DAB2IP: variants seen among roughly 807,000 people sequenced by gnomAD.
The protein encoded by DAB2IP is DAB2 interacting protein.
In DAB2IP, 28 loss-of-function variants were observed where a neutral mutation model predicts 107.2. That is an observed-to-expected ratio of 0.26 (90% CI 0.19 to 0.36). The LOEUF (loss-of-function observed/expected upper bound fraction) is 0.36. Among genes scored for constraint, DAB2IP ranks in the 10% least tolerant of loss-of-function variants. The pLI is 1.00. For missense variants in DAB2IP, 1,400 were observed against 1,644.7 expected (o/e 0.85, Z 2.57); for synonymous variants, 755 against 706.4 (o/e 1.07, Z -1.09).
exon 4 of DAB2IP, chr9:121,757,114 T>G: frequency 6.2e-7 from 1 of 1,614,054 alleles, no homozygotes; most frequent in Non-Finnish European, 8.5e-7. Flanking sequence ...GAGGAAGAGG[T>G]GGTCATCAAG....
At position 121,760,685 on chromosome 9, in the gene DAB2IP, G is replaced by A. The variant is rs967412856; in HGVS notation, c.1170+246G>A. Among the ~76,000 whole-genome samples, 8 of 152,174 alleles carry A rather than the reference G, an allele frequency of 5.3e-5. No homozygotes were observed. The South Asian group carries it at 1.4e-3, about 28-fold the overall frequency. On this transcript the variant is annotated intron_variant, in intron 6 of 15. Coordinates refer to ENST00000408936, the Ensembl canonical transcript of DAB2IP. The surrounding 1 kb of genome is among the most constrained non-coding windows in gnomAD (Gnocchi z 5.9). Reference sequence around the variant, plus strand: ...TGGGATTGCAGCTGGTAGTGAGGGAGTGGGCTTGGGTTGAGGTGCCTTCCA... The same window carrying A: ...TGGGATTGCAGCTGGTAGTGAGGGAATGGGCTTGGGTTGAGGTGCCTTCCA...
intron 1 of DAB2IP, among the ~76,000 whole-genome samples, chr9:121,620,820 C>T (rs937321930): frequency 2.0e-5 from 3 of 152,178 alleles, no homozygotes; most frequent in East Asian, 1.9e-4. Flanking sequence ...CCCACCCATG[C>T]CCAGGGCATT....
At position 121,743,380 on chromosome 9, in the gene DAB2IP, T is replaced by C. The variant is rs944338251; in HGVS notation, c.363-13633T>C. ...TTGTTCATTGTGTCTAAAATCTTCC[T>C]CAGAAGCCGAGGGCCTCTAACCTGA... is the stretch of plus-strand genomic sequence containing the variant. On this transcript the variant is annotated intron_variant, in intron 3 of 15. Transcript: ENST00000408936. Among the ~76,000 whole-genome samples the C allele has an allele frequency of 2.0e-5, 3 of 152,216 alleles. No homozygotes were observed. The South Asian group carries it at 6.2e-4, about 32-fold the overall frequency.
chr9:121,766,877 G>A (rs561159931), intron 9 of DAB2IP, 147 bp downstream of exon 9: 63 of 752,490 alleles, frequency 8.4e-5, no homozygotes, highest in African/African-American at 1.8e-4. Flanking sequence ...TCTCCTTCCC[G>A]CTTTTTAAAA....
At chr9:121,689,633 T>C (rs73664507) in intron 2 of DAB2IP, among the ~76,000 whole-genome samples, 14,335 of 152,010 alleles carry the variant, frequency 0.094, 1,673 homozygotes, top group African/African-American at 0.28. Context: ...CCTTGCTGCC[T>C]TGGGGCCCCC....
At chr9:121,700,988 C>T (rs1307372629) in intron 3 of DAB2IP, among the ~76,000 whole-genome samples, 1 of 152,240 alleles carries the variant, frequency 6.6e-6, no homozygotes, top group Non-Finnish European at 1.5e-5. Context: ...CGGCAGGCCA[C>T]CCGGTTTGCT....
At chr9:121,678,379 C>T (rs1589500657) in intron 1 of DAB2IP, among the ~76,000 whole-genome samples, 2 of 152,162 alleles carry the variant, frequency 1.3e-5, no homozygotes, top group East Asian at 3.8e-4. Context: ...TGTGTGTGTC[C>T]ATTCTTCTGC....
chr9:121,639,439 G>T (rs950171199), intron 1 of DAB2IP, among the ~76,000 whole-genome samples: 5 of 152,196 alleles, frequency 3.3e-5, no homozygotes, highest in Non-Finnish European at 7.3e-5. Context: ...ATGCCTATCA[G>T]AGCTGTAAGG....
At chr9:121,728,305 A>C (rs754740749) in intron 3 of DAB2IP, among the ~76,000 whole-genome samples, 1 of 152,166 alleles carries the variant, frequency 6.6e-6, no homozygotes, top group Non-Finnish European at 1.5e-5. Flanking sequence ...GTTTTGGAGT[A>C]ACACCCTGTG....
Position 121,642,069 on chromosome 9 carries a change from T to C in DAB2IP, c.41-36609T>C, listed in dbSNP as rs1438515395. 2.0e-3 allele frequency among the ~76,000 whole-genome samples: 251 copies of C among 125,850 alleles called. 5 individuals carry two copies. Among genetic ancestry groups the C allele is most frequent in the African/African-American group, 7.3e-3 (224 of 30,522 alleles). 82.6% of individuals were successfully genotyped at this position (125,850 alleles called of 152,430 possible). A position where few individuals can be genotyped will look rare whatever the true frequency, so the allele number is the denominator to read the frequency against. On this transcript the variant is annotated intron_variant, in intron 1 of 16. Coordinates refer to the DAB2IP transcript ENST00000259371. ...TTTCTTTCTTTCTTTCTTTCTTTCT[T>C]TCTTTCTTTCTTTCTCACTTTCTTT...
At chr9:121,743,669 G>A (rs566129878) in intron 3 of DAB2IP, among the ~76,000 whole-genome samples, 18 of 152,328 alleles carry the variant, frequency 1.2e-4, no homozygotes, top group Non-Finnish European at 2.1e-4. Flanking sequence ...AGGAAGGCTC[G>A]CCCGGCCACT....
chr9:121,651,983 T>A lies in DAB2IP; in HGVS notation c.124+84T>A, dbSNP rs1832762436. On this transcript the variant is annotated intron_variant, in intron 1 of 15. Coordinates refer to ENST00000408936, the Ensembl canonical transcript of DAB2IP. This position sits in a 1 kb window ranked among gnomAD's most constrained non-coding sequence, Gnocchi z 5.1. ...TGCCCTGGGATGCTAGGGACCGGGATCCTCCTTCCAGCCATTTGCCGGGGG... is the reference window on the plus strand; with the variant it reads ...TGCCCTGGGATGCTAGGGACCGGGAACCTCCTTCCAGCCATTTGCCGGGGG... 8.6e-7 allele frequency: 1 copy of A among 1,162,618 alleles called. No homozygotes were observed. The highest frequency in any genetic ancestry group is 1.1e-6 in the Non-Finnish European group (1 of 921,924). The allele number at this position is 1,162,618 out of a possible 1,614,324, so 72.0% of individuals were successfully genotyped here. A position where few individuals can be genotyped will look rare whatever the true frequency, so the allele number is the denominator to read the frequency against.
chr9:121,737,916 TTGGGGGACTGAA>T (rs1459937941), intron 3 of DAB2IP, among the ~76,000 whole-genome samples: 2 of 152,016 alleles, frequency 1.3e-5, no homozygotes, highest in African/African-American at 2.4e-5. Context: ...AGTGCAAGGC[TTGGGGGACTGAA>T]TGGGGGACTC....
At chr9:121,677,753 C>T (rs1215506029) in intron 1 of DAB2IP, among the ~76,000 whole-genome samples, 1 of 152,066 alleles carries the variant, frequency 6.6e-6, no homozygotes, top group South Asian at 2.1e-4. Context: ...CTTTCGCCTC[C>T]CGGGTTCAAG....
At chr9:121,678,564 A>C in intron 1 of DAB2IP, 114 bp from the exon 2 acceptor site, 2 of 885,366 alleles carry the variant, frequency 2.3e-6, no homozygotes, top group Non-Finnish European at 3.1e-6. Context: ...TGCCTGGACC[A>C]TTTTCTAGGG....
chr9:121,753,505 G>A (rs540803812), intron 3 of DAB2IP, among the ~76,000 whole-genome samples: 1 of 152,334 alleles, frequency 6.6e-6, no homozygotes, highest in South Asian at 2.1e-4. Context: ...TGAATACAGG[G>A]GCATCAGCCC....
In DAB2IP at chr9:121,772,928, G is replaced by C. The variant is rs762586876; in HGVS notation, c.2400G>C (p.Val800=). The C allele has an allele frequency of 1.6e-5, 25 of 1,559,458 alleles. No individual in the cohort carries two copies. Among genetic ancestry groups the C allele is most frequent in the Non-Finnish European group, 1.8e-5 (21 of 1,157,252 alleles). Residue 800 remains valine, a synonymous_variant, in exon 12 of 16, where the codon GTG becomes GTC. Transcript: ENST00000408936. This position sits in a 1 kb window ranked among gnomAD's most constrained non-coding sequence, Gnocchi z 4.7. ...TGAACCTGGCAGGGCTGGCCACGGT[G>C]CGGCGGGCAGGCCAGACACCAACCA...
At position 121,702,601 on chromosome 9, in the gene DAB2IP, G is replaced by A. The variant is rs1829844820; in HGVS notation, c.362+3143G>A. On this transcript the variant is annotated intron_variant, in intron 3 of 15. Transcript: ENST00000408936. This position sits in a 1 kb window ranked among gnomAD's most constrained non-coding sequence, Gnocchi z 4.5. The stretch of plus-strand genomic sequence containing the variant: ...CACATGCTGCTTGGAGCGCTTTCCA[G>A]GTGAAAGGTGTGCCGGCAAAAGCAT... Among the ~76,000 whole-genome samples the A allele has an allele frequency of 1.3e-5, 2 of 152,186 alleles. No individual in the cohort carries two copies. Among genetic ancestry groups the A allele is most frequent in the Admixed American group, 1.3e-4 (2 of 15,286 alleles).
chr9:121,680,626 C>T (rs1828536233), intron 2 of DAB2IP, among the ~76,000 whole-genome samples: 1 of 152,156 alleles, frequency 6.6e-6, no homozygotes, highest in Non-Finnish European at 1.5e-5. Context: ...TTCAGGGGGA[C>T]CCTAGGGAAC....
Sources: allele counts gnomAD v4.1 joint callset (sites outside exome capture counted in the v4.1 genomes callset), GRCh38; gene constraint gnomAD v4.1.1; non-coding constraint Gnocchi (gnomAD v3.1); transcripts MANE v1.5; gene names NCBI Gene and HGNC (gene_info 2026-07-23, HGNC 2026-07-21).